PCED1B: variants seen among roughly 807,000 people sequenced by gnomAD.
The protein encoded by PCED1B is PC-esterase domain-containing protein 1B.
For synonymous variants in PCED1B, 251 were observed against 246.1 expected (o/e 1.02, Z -0.19); for missense variants, 573 against 573.9 (o/e 1.00, Z 0.02).
intron 2 of PCED1B, among the ~76,000 whole-genome samples, chr12:47,137,342 C>A (rs1332543240): frequency 6.6e-6 from 1 of 152,160 alleles, no homozygotes; most frequent in Non-Finnish European, 1.5e-5. Context: ...AGAGTGGAAT[C>A]ATCAACAAAT....
At chr12:47,189,337 T>C (rs1478223892) in intron 2 of PCED1B, among the ~76,000 whole-genome samples, 1 of 152,222 alleles carries the variant, frequency 6.6e-6, no homozygotes, top group Non-Finnish European at 1.5e-5. Flanking sequence ...ATGGCTTGGT[T>C]AGCAGAAGGC....
At chr12:47,186,326 G>A (rs1942266017) in intron 2 of PCED1B, among the ~76,000 whole-genome samples, 1 of 151,898 alleles carries the variant, frequency 6.6e-6, no homozygotes, top group South Asian at 2.1e-4. Context: ...GCTTCTAGGG[G>A]CAGCAAATTG....
At chr12:47,217,523 G>GAAAGAA (rs879668082) in intron 3 of PCED1B, among the ~76,000 whole-genome samples, 20 of 115,700 alleles carry the variant, frequency 1.7e-4, no homozygotes, top group African/African-American at 2.8e-4. Context: ...AAAGAAGAAA[G>GAAAGAA]AGAAAGAGAG....
intron 3 of PCED1B, among the ~76,000 whole-genome samples, chr12:47,233,969 G>GTT (rs201408089): frequency 6.6e-6 from 1 of 151,840 alleles, no homozygotes; most frequent in African/African-American, 2.4e-5. Flanking sequence ...TGTTTTTAGG[G>GTT]GTTTTTTTTG....
At chr12:47,110,149 A>C (rs1475453649) in intron 2 of PCED1B, among the ~76,000 whole-genome samples, 1 of 152,176 alleles carries the variant, frequency 6.6e-6, no homozygotes, top group East Asian at 1.9e-4. Flanking sequence ...TCATGTCTCT[A>C]AATGAAACAA....
At chr12:47,205,324 A>G (rs779797113) in intron 2 of PCED1B, among the ~76,000 whole-genome samples, 3 of 152,180 alleles carry the variant, frequency 2.0e-5, no homozygotes, top group Non-Finnish European at 4.4e-5. Context: ...TCAAGCACTG[A>G]TCTTAGGTTT....
intron 2 of PCED1B, among the ~76,000 whole-genome samples, chr12:47,184,201 A>G (rs1251431865): frequency 5.3e-5 from 8 of 152,174 alleles, no homozygotes; most frequent in African/African-American, 1.9e-4. Context: ...ATAAATTAGT[A>G]AATGAAGTTT....
intron 1 of PCED1B, among the ~76,000 whole-genome samples, chr12:47,082,118 G>A (rs1319310947): frequency 6.6e-6 from 1 of 152,122 alleles, no homozygotes. Flanking sequence ...ATTTTGTGGA[G>A]GATAACATTT....
In PCED1B at chr12:47,152,602, A is replaced by C. The variant is rs114330666; in HGVS notation, c.-526+48407A>C. Among the ~76,000 whole-genome samples, 998 of 152,356 alleles carry C rather than the reference A, an allele frequency of 6.6e-3. 7 individuals carry two copies. Among genetic ancestry groups the C allele is most frequent in the African/African-American group, 0.023 (951 of 41,594 alleles). ...GGAGAAATTTGATTAAGTTCCACAG[A>C]TTAGGTAATAGTATTGCATCAATGT... On this transcript the variant is annotated intron_variant, in intron 2 of 3. Coordinates refer to ENST00000546455, the MANE Select transcript of PCED1B (RefSeq NM_138371.3).
rs751770005 is a variant in PCED1B, at chr12:47,235,379, T to G, written c.316T>G (p.Leu106Val). The G allele has an allele frequency of 6.2e-7, 1 of 1,614,194 alleles. No homozygotes were observed. Among genetic ancestry groups the G allele is most frequent in the Non-Finnish European group, 8.5e-7 (1 of 1,180,042 alleles). ...RVYSDYLQTI[L>V]KELQSGEHAP... is the part of the protein sequence containing the mutation. ...GTACTCCGATTACCTCCAGACCATC[T>G]TGAAAGAGCTGCAGTCGGGCGAGCA... is the stretch of plus-strand genomic sequence containing the variant. The change falls in exon 4 of 4, where the codon TTG becomes GTG. Residue 106 changes from leucine (L) to valine (V), a missense_variant. By Grantham distance (32) the Leu-to-Val change is conservative (BLOSUM62 1). Coordinates refer to ENST00000546455, the MANE Select transcript of PCED1B (RefSeq NM_138371.3).
At chr12:47,223,036 G>A (rs555358427) in intron 3 of PCED1B, among the ~76,000 whole-genome samples, 1 of 152,230 alleles carries the variant, frequency 6.6e-6, no homozygotes, top group East Asian at 1.9e-4. Flanking sequence ...ACGAGGATAA[G>A]AATGTTGAAG....
chr12:47,236,518 A>C lies in PCED1B; in HGVS notation c.*156A>C, dbSNP rs1251280400. 1 of 765,348 alleles carries C rather than the reference A, an allele frequency of 1.3e-6. No individual in the cohort carries two copies. The highest frequency in any genetic ancestry group is 2.0e-6 in the Non-Finnish European group (1 of 498,546). The allele number at this position is 765,348 out of a possible 1,614,324, so 47.4% of individuals were successfully genotyped here. A position where few individuals can be genotyped will look rare whatever the true frequency, so the allele number is the denominator to read the frequency against. The stretch of plus-strand genomic sequence containing the variant: ...TTCATTGCTGTTACCAAGAAAGCCA[A>C]GGAAGAGCAGCCTGACTCATTCTTC... On this transcript the variant is annotated 3_prime_UTR_variant, in exon 4 of 4. Coordinates refer to ENST00000546455, the MANE Select transcript of PCED1B (RefSeq NM_138371.3).
intron 1 of PCED1B, among the ~76,000 whole-genome samples, chr12:47,097,563 A>G (rs1052237240): frequency 1.3e-5 from 2 of 152,102 alleles, no homozygotes; most frequent in Admixed American, 6.5e-5. Context: ...TGTGTATCTA[A>G]ATTTGTTAAT....
At chr12:47,149,648 G>A (rs1940918087) in intron 2 of PCED1B, among the ~76,000 whole-genome samples, 1 of 152,166 alleles carries the variant, frequency 6.6e-6, no homozygotes, top group Non-Finnish European at 1.5e-5. Flanking sequence ...TAACGTGTGA[G>A]CTCTTTGTTT....
At chr12:47,093,044 G>C (rs1456954739) in intron 1 of PCED1B, among the ~76,000 whole-genome samples, 1 of 151,712 alleles carries the variant, frequency 6.6e-6, no homozygotes, top group African/African-American at 2.4e-5. Context: ...TCTGTGTTCT[G>C]GAAGAATTAT....
At chr12:47,223,232 G>T (rs1420083975) in intron 3 of PCED1B, among the ~76,000 whole-genome samples, 1 of 152,106 alleles carries the variant, frequency 6.6e-6, no homozygotes, top group Non-Finnish European at 1.5e-5. Flanking sequence ...TTGAGGGCTG[G>T]GTTTCTCAGA....
At chr12:47,184,026 T>C (rs1265839856) in intron 2 of PCED1B, among the ~76,000 whole-genome samples, 2 of 152,112 alleles carry the variant, frequency 1.3e-5, no homozygotes, top group Non-Finnish European at 2.9e-5. Flanking sequence ...AGAGAGAATA[T>C]TTTTCTTTTT....
chr12:47,184,747 A>G (rs889155961), intron 2 of PCED1B, among the ~76,000 whole-genome samples: 3 of 152,134 alleles, frequency 2.0e-5, no homozygotes, highest in African/African-American at 7.2e-5. Flanking sequence ...AGTGGGAATA[A>G]CATAATTTCA....
intron 2 of PCED1B, among the ~76,000 whole-genome samples, chr12:47,154,284 C>T (rs1941112128): frequency 6.6e-6 from 1 of 152,176 alleles, no homozygotes; most frequent in Non-Finnish European, 1.5e-5. Flanking sequence ...GAGCTCATCC[C>T]ATAAGTGTAC....
Sources: gnomAD v4.1 joint callset for allele counts (sites outside exome capture counted in the v4.1 genomes callset) on GRCh38, gnomAD v4.1.1 for gene constraint, MANE v1.5 for transcripts, NCBI Gene and HGNC (gene_info 2026-07-23, HGNC 2026-07-21) for gene names.